SLC30A9: variants seen among roughly 807,000 people sequenced by gnomAD.
SLC30A9 encodes solute carrier family 30 member 9, also known as proton-coupled zinc antiporter SLC30A9, mitochondrial.
A neutral mutation model predicts 87.5 loss-of-function variants in SLC30A9; 58 were observed. The observed-to-expected ratio is 0.66, with a 90% CI of 0.54 to 0.82. The LOEUF (loss-of-function observed/expected upper bound fraction) is 0.82, where lower values mean the gene tolerates loss of function less well. SLC30A9 is among the 40% of genes least tolerant of loss of function. The probability of loss-of-function intolerance (pLI) is 0.00; values close to 1 mark genes in which losing one functional copy is unlikely to be tolerated. For synonymous variants in SLC30A9, 234 were observed against 233.0 expected, an observed-to-expected ratio of 1.00 and a Z score of -0.04; for missense variants, 557 against 679.1, an observed-to-expected ratio of 0.82 and a Z score of 2.00.
At chr4:42,025,414 A>G (rs1560542362) in intron 6 of SLC30A9, among the ~76,000 whole-genome samples, 1 of 152,204 alleles carries the variant, frequency 6.6e-6, no homozygotes, top group Non-Finnish European at 1.5e-5. Flanking sequence ...CCTTCTGTTG[A>G]TGATTCCTTT....
At chr4:42,075,626 A>G (rs950888877) in intron 15 of SLC30A9, 31 bp from the exon 16 acceptor site, 7 of 1,597,328 alleles carry the variant, frequency 4.4e-6, no homozygotes, top group African/African-American at 1.3e-5. Context: ...GTATGTATAA[A>G]TAAATTTGTA....
chr4:42,065,111 T>C (rs1053823246), intron 11 of SLC30A9, among the ~76,000 whole-genome samples, 199 bp from the exon 12 acceptor site: 2 of 152,100 alleles, frequency 1.3e-5, no homozygotes, highest in African/African-American at 4.8e-5. Flanking sequence ...TTACTGTATC[T>C]GGTGTCTACC....
chr4:42,029,893 T>C, intron 6 of SLC30A9: 1 of 700,930 alleles, frequency 1.4e-6, no homozygotes, highest in Non-Finnish European at 2.7e-6. Flanking sequence ...AATAGAAATG[T>C]GGAGTATTTT....
At chr4:42,060,055 A>T (rs532176645) in intron 9 of SLC30A9, 136 bp from the exon 10 acceptor site, 28 of 586,614 alleles carry the variant, frequency 4.8e-5, no homozygotes, top group Middle Eastern at 5.5e-4. Flanking sequence ...TAGAAACCAG[A>T]ATTGCTGGGT....
At chr4:41,999,498 G>C (rs1714886066) in intron 1 of SLC30A9, among the ~76,000 whole-genome samples, 1 of 152,158 alleles carries the variant, frequency 6.6e-6, no homozygotes, top group Non-Finnish European at 1.5e-5. Flanking sequence ...TAACAAAGTA[G>C]TGTTGACCTA....
At chr4:41,996,504 C>T (rs547229488) in intron 1 of SLC30A9, among the ~76,000 whole-genome samples, 2 of 151,360 alleles carry the variant, frequency 1.3e-5, no homozygotes, top group East Asian at 4.0e-4. Flanking sequence ...TTTGGGAGGC[C>T]AAGGTAGGTA....
intron 14 of SLC30A9, 102 bp downstream of exon 14, chr4:42,067,294 A>G (rs1419392987): frequency 2.9e-6 from 2 of 687,170 alleles, no homozygotes. Context: ...TTAAACCAAC[A>G]AATTGTTAAA....
At chr4:42,033,430 G>C (rs1440565514) in intron 6 of SLC30A9, among the ~76,000 whole-genome samples, 1 of 151,732 alleles carries the variant, frequency 6.6e-6, no homozygotes, top group East Asian at 1.9e-4. Context: ...CTTGAGACCA[G>C]GAGTTTGAGA....
chr4:42,062,192 CAA>C lies in SLC30A9; in HGVS notation c.897-780_897-779del, dbSNP rs1263400379. 2.0e-3 allele frequency among the ~76,000 whole-genome samples: 177 copies of C among 88,460 alleles called. 1 individual carries two copies. The highest frequency in any genetic ancestry group is 6.4e-3 in the African/African-American group (151 of 23,718). The allele number at this position is 88,460 out of a possible 152,430, so 58.0% of individuals were successfully genotyped here. On this transcript the variant is annotated intron_variant, in intron 10 of 17. Transcript: ENST00000264451. ...CTGAGCAACGAGCAAAACTCCGTCTCAAAAAAAAAAAAAAAGAATTCTTGTTT... is the reference window on the plus strand; with the variant it reads ...CTGAGCAACGAGCAAAACTCCGTCTCAAAAAAAAAAAAAGAATTCTTGTTT...
At chr4:42,046,071 G>T (rs1031784139) in intron 8 of SLC30A9, among the ~76,000 whole-genome samples, 2 of 152,118 alleles carry the variant, frequency 1.3e-5, no homozygotes, top group African/African-American at 2.4e-5. Flanking sequence ...ACTAGGTATT[G>T]GCAGAACGTA....
Position 42,023,336 on chromosome 4 carries a change from G to A in SLC30A9, c.562G>A (p.Ala188Thr), listed in dbSNP as rs769631387. The change falls in exon 6 of 18, where the codon GCC (alanine) becomes ACC (threonine). Residue 188 changes from alanine to threonine, a missense_variant. Physicochemically the swap from Ala to Thr is moderately conservative, Grantham distance 58 (BLOSUM62 0). Transcript: ENST00000264451. ...AGTTTGGGGAAGCCCTGAAGCTCTT[G>A]CCAGAGAGAAAAAATTGCGTAAGGA... ...LEVWGSPEAL[A>T]REKKLRKEAE... 2.5e-6 allele frequency: 4 copies of A among 1,613,660 alleles called. No individual in the cohort carries two copies. Among genetic ancestry groups the A allele is most frequent in the South Asian group, 2.2e-5 (2 of 91,070 alleles).
chr4:42,073,036 G>A (rs568334947), intron 15 of SLC30A9, among the ~76,000 whole-genome samples: 14 of 149,952 alleles, frequency 9.3e-5, no homozygotes, highest in Non-Finnish European at 1.6e-4. Flanking sequence ...GGCCAGGCTG[G>A]TCTCAAACTC....
In SLC30A9 at chr4:42,086,267, T is replaced by A; in HGVS notation, c.*141T>A. ...TTTAAGATGAAGGAAATATTTTATGTAAAGAGCAACTCAGCAGGACACAGA... is the reference window on the plus strand; with the variant it reads ...TTTAAGATGAAGGAAATATTTTATGAAAAGAGCAACTCAGCAGGACACAGA... On this transcript the variant is annotated 3_prime_UTR_variant, in exon 18 of 18. Transcript: ENST00000264451. 2.3e-6 allele frequency: 1 copy of A among 443,996 alleles called. No homozygotes were observed. Among genetic ancestry groups the A allele is most frequent in the Non-Finnish European group, 4.1e-6 (1 of 243,538 alleles). 27.5% of individuals were successfully genotyped at this position (443,996 alleles called of 1,614,324 possible).
At chr4:42,071,717 G>C (rs1404071980) in intron 15 of SLC30A9, among the ~76,000 whole-genome samples, 1 of 151,492 alleles carries the variant, frequency 6.6e-6, no homozygotes, top group Non-Finnish European at 1.5e-5. Flanking sequence ...CATTATGAAA[G>C]TCAGTATTAG....
chr4:41,998,554 C>G (rs992508670), intron 1 of SLC30A9, among the ~76,000 whole-genome samples: 1 of 152,098 alleles, frequency 6.6e-6, no homozygotes, highest in Non-Finnish European at 1.5e-5. Flanking sequence ...ACCTCCGCCT[C>G]CCGGGTTCAA....
At chr4:42,080,803 A>G (rs190339742) in intron 17 of SLC30A9, among the ~76,000 whole-genome samples, 1 of 152,310 alleles carries the variant, frequency 6.6e-6, no homozygotes, top group East Asian at 1.9e-4. Context: ...TGTTATATTA[A>G]AATCTGTTGG....
intron 1 of SLC30A9, among the ~76,000 whole-genome samples, chr4:41,996,596 A>G (rs1366039256): frequency 6.6e-6 from 1 of 152,110 alleles, no homozygotes; most frequent in East Asian, 1.9e-4. Context: ...TAAAAAATGT[A>G]GCCAGGTAGG....
At chr4:42,034,523 T>C (rs868548978) in intron 6 of SLC30A9, among the ~76,000 whole-genome samples, 3 of 152,126 alleles carry the variant, frequency 2.0e-5, no homozygotes, top group South Asian at 2.1e-4. Flanking sequence ...AGTCATACAG[T>C]GTATGTCCTT....
At chr4:42,030,553 T>C (rs1381862596) in intron 6 of SLC30A9, among the ~76,000 whole-genome samples, 2 of 151,852 alleles carry the variant, frequency 1.3e-5, no homozygotes, top group Non-Finnish European at 2.9e-5. Flanking sequence ...AAGGTGTAAA[T>C]ATTCAATGGG....
Sources: gnomAD v4.1 joint callset for allele counts (sites outside exome capture counted in the v4.1 genomes callset) on GRCh38, gnomAD v4.1.1 for gene constraint, MANE v1.5 for transcripts, NCBI Gene and HGNC (gene_info 2026-07-23, HGNC 2026-07-21) for gene names.